ZDHHC1: variants seen among roughly 807,000 people sequenced by gnomAD.
ZDHHC1 encodes palmitoyltransferase ZDHHC1.
Under a neutral mutation model 46.9 loss-of-function variants are expected in ZDHHC1, and 45 were observed. The ratio of observed to expected loss-of-function variants is 0.96; its 90% CI spans 0.76 to 1.23. The LOEUF (loss-of-function observed/expected upper bound fraction) is 1.23, where lower values mean the gene tolerates loss of function less well. Among genes scored for constraint, ZDHHC1 ranks in the 50% most tolerant of loss-of-function variants. The pLI is 0.00. For missense variants in ZDHHC1, 649 were observed against 670.8 expected, an observed-to-expected ratio of 0.97 and a Z score of 0.36; for synonymous variants, 291 against 286.0, an observed-to-expected ratio of 1.02 and a Z score of -0.18.
At chr16:67,400,806 A>T (rs909830800) in intron 4 of ZDHHC1, 151 bp downstream of exon 4, 1 of 839,692 alleles carries the variant, frequency 1.2e-6, no homozygotes, top group Non-Finnish European at 1.8e-6. Context: ...CCTTCTCAGT[A>T]ACCCAATACT....
chr16:67,411,212 G>C (rs756237612), intron 1 of ZDHHC1, among the ~76,000 whole-genome samples: 15 of 152,170 alleles, frequency 9.9e-5, no homozygotes, highest in Non-Finnish European at 2.1e-4. Flanking sequence ...ATTCCTGCAA[G>C]CTACCTGAGG....
chr16:67,414,620 A>G (rs192226143), intron 1 of ZDHHC1, among the ~76,000 whole-genome samples: 24 of 152,348 alleles, frequency 1.6e-4, no homozygotes, highest in Admixed American at 7.8e-4. Context: ...GGAAGGTCCT[A>G]TCATTTCCAA....
Position 67,398,211 on chromosome 16 carries a change from C to T in ZDHHC1, c.927+1G>A, listed in dbSNP as rs780727202. 3.8e-6 allele frequency: 6 copies of T among 1,595,000 alleles called. No homozygotes were observed. Among genetic ancestry groups the T allele is most frequent in the Admixed American group, 1.7e-5 (1 of 59,942 alleles). On this transcript the variant is annotated splice_donor_variant, in intron 8 of 11. Transcript: ENST00000565726. LOFTEE classifies it high-confidence loss of function. ...CCCCTCCCACCCTTCATCCTCTATA[C>T]CTGAATGGGCCGCATCTTGGGAGGA...
At chr16:67,412,755 C>CT (rs1328307059) in intron 1 of ZDHHC1, among the ~76,000 whole-genome samples, 3 of 152,140 alleles carry the variant, frequency 2.0e-5, no homozygotes, top group Non-Finnish European at 4.4e-5. Flanking sequence ...TGTCCTTTTG[C>CT]TAGAGGACTT....
rs771304864 is a variant in ZDHHC1, at chr16:67,399,382, T to C, written c.503A>G (p.Asn168Ser). The C allele has an allele frequency of 3.5e-5, 56 of 1,613,176 alleles. No individual in the cohort carries two copies. The highest frequency in any genetic ancestry group is 4.4e-5 in the Non-Finnish European group (52 of 1,179,794). Residue 168 changes from asparagine (N) to serine (S), a missense_variant, in exon 5 of 12, where the codon AAC becomes AGC. Asn to Ser is a conservative substitution (Grantham distance 46). Transcript: ENST00000565726. ...GTAGTTCCGCTCGCCCACACAGTTG[T>C]TGAGCCACTTGCAGTGGTGGTCGAA... Reference protein sequence around the residue: ...CGFDHHCKWLNNCVGERNYRL... With the variant: ...CGFDHHCKWLSNCVGERNYRL...
chr16:67,399,598 C>G lies in ZDHHC1; in HGVS notation c.429-142G>C, dbSNP rs1000964395. The G allele has an allele frequency of 1.3e-5, 8 of 631,268 alleles. No individual in the cohort carries two copies. In the East Asian group the frequency reaches 2.5e-4, roughly 20 times the overall value. 39.1% of individuals were successfully genotyped at this position (631,268 alleles called of 1,614,324 possible). ...CCCGAGCGAGGCGACGAGGAGCGCG[C>G]GCGCCCTCTGCAGGCGCTGCGGGGT... On this transcript the variant is annotated intron_variant, in intron 4 of 11. Transcript: ENST00000565726.
Position 67,406,310 on chromosome 16 carries a change from G to A in ZDHHC1, c.142C>T (p.Pro48Ser). 1 of 1,606,812 alleles carries A rather than the reference G, an allele frequency of 6.2e-7. No individual in the cohort carries two copies. Among genetic ancestry groups the A allele is most frequent in the Non-Finnish European group, 8.5e-7 (1 of 1,176,936 alleles). ...CAGGCCACAATCTGGAGCGGGTGAG[G>A]GGGCCAGCTCCACCCATTCCGGCGG... is the stretch of plus-strand genomic sequence containing the variant. ...RSRRNGWSWP[P>S]HPLQIVAWLL... Residue 48 changes from proline to serine, a missense_variant, in exon 3 of 12, where the codon CCT becomes TCT. Pro to Ser is a moderately conservative substitution (Grantham distance 74, BLOSUM62 -1). Coordinates refer to ENST00000565726, the MANE Select transcript of ZDHHC1 (RefSeq NM_001323627.2). The surrounding 1 kb of genome is among the most constrained non-coding windows in gnomAD (Gnocchi z 4.1).
At position 67,395,635 on chromosome 16, in the gene ZDHHC1, C is replaced by T. The variant is rs1371737103; in HGVS notation, c.928-69G>A. ...CTCCCGAGCCTGCTGAGCCCTAAGC[C>T]CACGCAGTCCTGCCCTCATTGGCCT... On this transcript the variant is annotated intron_variant, in intron 8 of 11. Coordinates refer to ENST00000565726, the MANE Select transcript of ZDHHC1 (RefSeq NM_001323627.2). The T allele has an allele frequency of 3.5e-6, 5 of 1,443,912 alleles. No individual in the cohort carries two copies. The Admixed American group carries it at 9.9e-5, about 28-fold the overall frequency. The allele number at this position is 1,443,912 out of a possible 1,614,324, so 89.4% of individuals were successfully genotyped here.
chr16:67,398,685 G>C lies in ZDHHC1; in HGVS notation c.702C>G (p.Ala234=). 1 of 1,608,682 alleles carries C rather than the reference G, an allele frequency of 6.2e-7. No individual in the cohort carries two copies. The highest frequency in any genetic ancestry group is 8.5e-7 in the Non-Finnish European group (1 of 1,178,358). Residue 234 remains alanine, a synonymous_variant, in exon 7 of 12, where the codon GCC becomes GCG. Coordinates refer to ENST00000565726, the MANE Select transcript of ZDHHC1 (RefSeq NM_001323627.2). ...TGGCAGGGGCCTGGGTCTCCACGGG[G>C]GCGGCAGGCAGGAACACGAACCACA... ...TDVWFVFLPA[A]PVETQAPAIL... is the part of the protein sequence containing the mutation.
Position 67,416,408 on chromosome 16 carries a change from C to CAGCA in ZDHHC1, c.-277_-276insTGCT, listed in dbSNP as rs2040836879. 1 of 215,512 alleles carries CAGCA rather than the reference C, an allele frequency of 4.6e-6. No individual in the cohort carries two copies. Among genetic ancestry groups the CAGCA allele is most frequent in the African/African-American group, 2.4e-5 (1 of 41,716 alleles). 13.3% of individuals were successfully genotyped at this position (215,512 alleles called of 1,614,324 possible). ...CCGGCTCCGGCTCCGGCTCCGGCTC[C>CAGCA]GGCTCCGGCTCCAGCAGGCTGGAGG... On this transcript the variant is annotated 5_prime_UTR_variant, in exon 1 of 12. Transcript: ENST00000565726.
At chr16:67,407,094 CTAAG>C (rs1366646600) in intron 2 of ZDHHC1, among the ~76,000 whole-genome samples, 1 of 152,210 alleles carries the variant, frequency 6.6e-6, no homozygotes, top group Non-Finnish European at 1.5e-5. Context: ...CCACGTTTCT[CTAAG>C]TAAATCTGGG....
In ZDHHC1 at chr16:67,401,579, C is replaced by T. The variant is rs150105330; in HGVS notation, c.253-447G>A. ...TCCTTATCTTGCTTTCATAGGAAGT[C>T]ACCTCCAAAAGGGATGCAGCCACCC... On this transcript the variant is annotated intron_variant, in intron 3 of 11. Transcript: ENST00000565726. This position sits in a 1 kb window ranked among gnomAD's most constrained non-coding sequence, Gnocchi z 4.6. Among the ~76,000 whole-genome samples the T allele has an allele frequency of 9.2e-5, 14 of 152,342 alleles. No individual in the cohort carries two copies. The East Asian group carries it at 2.7e-3, about 29-fold the overall frequency.
At chr16:67,397,260 C>T (rs2040451374) in intron 8 of ZDHHC1, among the ~76,000 whole-genome samples, 1 of 152,234 alleles carries the variant, frequency 6.6e-6, no homozygotes, top group South Asian at 2.1e-4. Flanking sequence ...TTGAGAAAGT[C>T]TCCTGCCTAC....
chr16:67,414,758 T>C (rs1219786753), intron 1 of ZDHHC1, among the ~76,000 whole-genome samples: 1 of 152,212 alleles, frequency 6.6e-6, no homozygotes, highest in Non-Finnish European at 1.5e-5. Flanking sequence ...AAATGAGTTA[T>C]TTTAGGAGGC....
At chr16:67,413,098 G>A (rs1194197764) in intron 1 of ZDHHC1, among the ~76,000 whole-genome samples, 1 of 148,644 alleles carries the variant, frequency 6.7e-6, no homozygotes, top group Admixed American at 6.7e-5. Flanking sequence ...TTTTTTTTAA[G>A]AGACAGGATC....
Position 67,406,684 on chromosome 16 carries a change from G to A in ZDHHC1, c.10-242C>T, listed in dbSNP as rs2040668167. Reference sequence around the variant, plus strand: ...GGCCAGGACAAGGTAGGAGGGCCCAGGATTTATTCAGGACACAGTGCTGCT... The same window carrying A: ...GGCCAGGACAAGGTAGGAGGGCCCAAGATTTATTCAGGACACAGTGCTGCT... On this transcript the variant is annotated intron_variant, in intron 2 of 11. Coordinates refer to ENST00000565726, the MANE Select transcript of ZDHHC1 (RefSeq NM_001323627.2). The surrounding 1 kb of genome is among the most constrained non-coding windows in gnomAD (Gnocchi z 4.1). Among the ~76,000 whole-genome samples the A allele has an allele frequency of 6.6e-6, 1 of 152,210 alleles. No individual in the cohort carries two copies. Among genetic ancestry groups the A allele is most frequent in the African/African-American group, 2.4e-5 (1 of 41,454 alleles).
chr16:67,396,676 C>T (rs1463111471), intron 8 of ZDHHC1, among the ~76,000 whole-genome samples: 1 of 152,158 alleles, frequency 6.6e-6, no homozygotes, highest in East Asian at 1.9e-4. Flanking sequence ...GGTGTGGGGG[C>T]GCCAGCCTGG....
In ZDHHC1 at chr16:67,406,131, C is replaced by A; in HGVS notation, c.252+69G>T. The A allele has an allele frequency of 2.6e-6, 4 of 1,542,598 alleles. No homozygotes were observed. The highest frequency in any genetic ancestry group is 3.5e-6 in the Non-Finnish European group (4 of 1,142,574). ...CCAAGGCTCTCAACCCGGCTTTGGGCCTCCGCTGTGCCAGCCATCCTTTGC... is the reference window on the plus strand; with the variant it reads ...CCAAGGCTCTCAACCCGGCTTTGGGACTCCGCTGTGCCAGCCATCCTTTGC... On this transcript the variant is annotated intron_variant, in intron 3 of 11. Transcript: ENST00000565726. This position sits in a 1 kb window ranked among gnomAD's most constrained non-coding sequence, Gnocchi z 4.1.
chr16:67,406,161 C>A lies in ZDHHC1; in HGVS notation c.252+39G>T. 3 of 1,593,412 alleles carry A rather than the reference C, an allele frequency of 1.9e-6. No individual in the cohort carries two copies. Among genetic ancestry groups the A allele is most frequent in the South Asian group, 2.3e-5 (2 of 88,768 alleles). On this transcript the variant is annotated intron_variant, in intron 3 of 11. Coordinates refer to ENST00000565726, the MANE Select transcript of ZDHHC1 (RefSeq NM_001323627.2). This position sits in a 1 kb window ranked among gnomAD's most constrained non-coding sequence, Gnocchi z 4.1. ...GCTGTGCCAGCCATCCTTTGCCTCC[C>A]CACTTCCACACACCAGCCCTACGCT...
Sources: allele counts gnomAD v4.1 joint callset (sites outside exome capture counted in the v4.1 genomes callset), GRCh38; gene constraint gnomAD v4.1.1; non-coding constraint Gnocchi (gnomAD v3.1); transcripts MANE v1.5; gene names NCBI Gene and HGNC (gene_info 2026-07-23, HGNC 2026-07-21).